U2AF2: variants seen among roughly 807,000 people sequenced by gnomAD.
U2AF2 encodes splicing factor U2AF 65 kDa subunit.
Under a neutral mutation model 52.6 loss-of-function variants are expected in U2AF2, and 6 were observed. The observed-to-expected ratio is 0.11, with a 90% CI of 0.06 to 0.23. The LOEUF is 0.23. Ranked by LOEUF, U2AF2 falls within the 10% of genes least tolerant of loss-of-function variation. The pLI, the probability that U2AF2 is intolerant of heterozygous loss-of-function variation, is 1.00. For synonymous variants in U2AF2, 284 were observed against 258.2 expected (o/e 1.10, Z -0.96); for missense variants, 222 against 677.1 (o/e 0.33, Z 7.46).
At chr19:55,670,868 TTCCC>T (rs1473924020) in intron 11 of U2AF2, 1 of 157,354 alleles carries the variant, frequency 6.4e-6, no homozygotes, top group African/African-American at 2.4e-5. Flanking sequence ...TGGCCCTGGC[TTCCC>T]TGCTGAGCCC....
At position 55,666,749 on chromosome 19, in the gene U2AF2, T is replaced by C. The variant is rs529993458; in HGVS notation, c.743-1758T>C. Among the ~76,000 whole-genome samples the C allele has an allele frequency of 5.2e-4, 79 of 152,358 alleles. 1 individual carries two copies. In the South Asian group the frequency reaches 0.016, roughly 31 times the overall value. ...ATGAACCCAGGGAGCCCAACTCTTG[T>C]ATCCTTGGCTCTGTGTTGCTCAAGT... On this transcript the variant is annotated intron_variant, in intron 7 of 11. Transcript: ENST00000308924.
chr19:55,660,041 G>A (rs1016534766), intron 2 of U2AF2, 136 bp from the exon 3 acceptor site: 5 of 685,880 alleles, frequency 7.3e-6, no homozygotes, highest in East Asian at 6.0e-5. Context: ...GCAGGGCCGA[G>A]GGTGGCCTGC....
At position 55,663,524 on chromosome 19, in the gene U2AF2, G is replaced by A. The variant is rs929579482; in HGVS notation, c.604-82G>A. ...ATTTGTTCACATGAGTGAAAGGAAA[G>A]AGGAAATCCCAATCCTGGAACACTA... On this transcript the variant is annotated intron_variant, in intron 6 of 11. Coordinates refer to ENST00000308924, the MANE Select transcript of U2AF2 (RefSeq NM_007279.3). 4 of 1,538,270 alleles carry A rather than the reference G, an allele frequency of 2.6e-6. No individual in the cohort carries two copies. In the African/African-American group the frequency reaches 5.5e-5, roughly 21 times the overall value.
chr19:55,667,116 T>C (rs1033298883), intron 7 of U2AF2, among the ~76,000 whole-genome samples: 2 of 152,068 alleles, frequency 1.3e-5, no homozygotes, highest in African/African-American at 4.8e-5. Flanking sequence ...AGTCTGGTGG[T>C]TGGAGCTGGC....
chr19:55,655,573 A>G (rs1393464524), intron 1 of U2AF2, among the ~76,000 whole-genome samples: 1 of 152,240 alleles, frequency 6.6e-6, no homozygotes, highest in Non-Finnish European at 1.5e-5. Context: ...GGCCCACGGC[A>G]GCGTCTCCAC....
intron 7 of U2AF2, among the ~76,000 whole-genome samples, chr19:55,665,805 C>T (rs1412046320): frequency 6.6e-6 from 1 of 152,170 alleles, no homozygotes; most frequent in African/African-American, 2.4e-5. Flanking sequence ...TGTGCCACCA[C>T]ACCTGCTAAT....
At position 55,668,690 on chromosome 19, in the gene U2AF2, C is replaced by T. The variant is rs766185854; in HGVS notation, c.843C>T (p.Ser281=). 3.7e-6 allele frequency: 6 copies of T among 1,612,934 alleles called. No homozygotes were observed. Among genetic ancestry groups the T allele is most frequent in the Admixed American group, 1.7e-5 (1 of 59,986 alleles). ...TGCAGGTCAAAGAGCTGCTGACATC[C>T]TTTGGGCCCCTCAAGGCCTTCAACC... ...NDDQVKELLT[S]FGPLKAFNLV... The change falls in exon 9 of 12, where the codon TCC becomes TCT. Residue 281 remains serine, a synonymous_variant. Transcript: ENST00000308924. The surrounding 1 kb of genome is among the most constrained non-coding windows in gnomAD (Gnocchi z 5.5).
At chr19:55,659,861 C>A (rs1984053537) in intron 2 of U2AF2, among the ~76,000 whole-genome samples, 1 of 152,120 alleles carries the variant, frequency 6.6e-6, no homozygotes, top group Admixed American at 6.5e-5. Flanking sequence ...TCTAGGCTCC[C>A]CTTTCTGTTC....
At chr19:55,664,007 C>G (rs1568551887) in intron 7 of U2AF2, 1 of 427,374 alleles carries the variant, frequency 2.3e-6, no homozygotes, top group Admixed American at 4.2e-5. Flanking sequence ...ACCAAAGGTG[C>G]TGGGGAAGCG....
At chr19:55,671,566 G>A (rs1380380148) in intron 11 of U2AF2, 1 of 152,380 alleles carries the variant, frequency 6.6e-6, no homozygotes, top group Non-Finnish European at 1.5e-5. Flanking sequence ...GGGAGAGCAG[G>A]GTTGGGGAGG....
intron 1 of U2AF2, among the ~76,000 whole-genome samples, chr19:55,655,826 ATTC>A (rs1380643890): frequency 6.6e-6 from 1 of 152,246 alleles, no homozygotes; most frequent in Non-Finnish European, 1.5e-5. Flanking sequence ...AAGCATCTGC[ATTC>A]TTTGAGTGTC....
Position 55,659,383 on chromosome 19 carries a change from G to T in U2AF2, c.185+38G>T, listed in dbSNP as rs763468737. The T allele has an allele frequency of 2.1e-6, 3 of 1,446,834 alleles. No individual in the cohort carries two copies. In the East Asian group the frequency reaches 8.2e-5, roughly 39 times the overall value. 89.6% of individuals were successfully genotyped at this position (1,446,834 alleles called of 1,614,324 possible). A position where few individuals can be genotyped will look rare whatever the true frequency, so the allele number is the denominator to read the frequency against. On this transcript the variant is annotated intron_variant, in intron 2 of 11. Transcript: ENST00000308924. ...AGGGATCCCCTGGGCCAGCCTGGGA[G>T]TCGGGGGGTCGGTGTTGGCCGGCCT...
intron 1 of U2AF2, among the ~76,000 whole-genome samples, chr19:55,657,646 G>A (rs1287385335): frequency 6.6e-6 from 1 of 151,920 alleles, no homozygotes; most frequent in Non-Finnish European, 1.5e-5. Flanking sequence ...CTGTCCTGCC[G>A]ATTGTTCCTC....
intron 11 of U2AF2, among the ~76,000 whole-genome samples, chr19:55,672,497 G>A (rs1407408600): frequency 3.3e-5 from 5 of 152,026 alleles, no homozygotes; most frequent in Non-Finnish European, 7.4e-5. Flanking sequence ...TGTATCCCCA[G>A]CCTCCACCCA....
At chr19:55,664,103 G>T in intron 7 of U2AF2, 1 of 218,480 alleles carries the variant, frequency 4.6e-6, no homozygotes, top group Non-Finnish European at 9.1e-6. Context: ...GCTGCTGTGT[G>T]TCGACGGTTG....
At chr19:55,665,086 T>C (rs1254347584) in intron 7 of U2AF2, among the ~76,000 whole-genome samples, 2 of 152,224 alleles carry the variant, frequency 1.3e-5, no homozygotes, top group African/African-American at 2.4e-5. Context: ...TATGTTGACA[T>C]GCTCCCAATC....
intron 11 of U2AF2, among the ~76,000 whole-genome samples, 193 bp downstream of exon 11, chr19:55,669,885 A>G (rs1050961109): frequency 3.3e-5 from 5 of 152,044 alleles, no homozygotes; most frequent in Admixed American, 6.5e-5. Context: ...AGGCCGGGCC[A>G]TGGGAGATGT....
chr19:55,660,648 G>C lies in U2AF2; in HGVS notation c.334+29G>C, dbSNP rs758579996. ...GGCCCCTGGCCAGGCTGCTCCCAGA[G>C]CGGGAGGGTACAGGGGTTGGGATTC... is the stretch of plus-strand genomic sequence containing the variant. On this transcript the variant is annotated intron_variant, in intron 4 of 11. Coordinates refer to ENST00000308924, the MANE Select transcript of U2AF2 (RefSeq NM_007279.3). The C allele has an allele frequency of 9.4e-6, 15 of 1,600,628 alleles. No individual in the cohort carries two copies. In the South Asian group the frequency reaches 9.9e-5, roughly 11 times the overall value.
intron 10 of U2AF2, 92 bp downstream of exon 10, chr19:55,669,273 A>G (rs918065620): frequency 1.3e-6 from 2 of 1,558,274 alleles, no homozygotes; most frequent in African/African-American, 1.3e-5. Flanking sequence ...CCCAGCTTTC[A>G]TGGGAAGGCA....
Sources: gnomAD v4.1 joint callset for allele counts (sites outside exome capture counted in the v4.1 genomes callset) on GRCh38, gnomAD v4.1.1 for gene constraint, Gnocchi (gnomAD v3.1) non-coding constraint, MANE v1.5 for transcripts, NCBI Gene and HGNC (gene_info 2026-07-23, HGNC 2026-07-21) for gene names.